RPS6KA2: variants seen among roughly 807,000 people sequenced by gnomAD.
RPS6KA2 encodes the protein ribosomal protein S6 kinase A2, also known as ribosomal protein S6 kinase alpha-2.
Under a neutral mutation model 91.8 loss-of-function variants are expected in RPS6KA2, and 42 were observed. The ratio of observed to expected loss-of-function variants is 0.46; its 90% CI spans 0.36 to 0.59. The LOEUF (loss-of-function observed/expected upper bound fraction) is 0.59. Ranked by LOEUF, RPS6KA2 falls within the 20% of genes least tolerant of loss-of-function variation. The probability of loss-of-function intolerance (pLI) is 0.00; values close to 1 mark genes in which losing one functional copy is unlikely to be tolerated. For missense variants in RPS6KA2, 798 were observed against 978.5 expected, an observed-to-expected ratio of 0.82 and a Z score of 2.46; for synonymous variants, 414 against 393.6, an observed-to-expected ratio of 1.05 and a Z score of -0.61.
intron 1 of RPS6KA2, among the ~76,000 whole-genome samples, chr6:166,593,967 T>C (rs556338673): frequency 6.6e-6 from 1 of 152,354 alleles, no homozygotes; most frequent in South Asian, 2.1e-4. Context: ...GCCATTGACC[T>C]AACAATTCCA....
chr6:166,770,220 GC>G lies in RPS6KA2; in HGVS notation c.123+87979del, dbSNP rs1778429522. ...TTTCACCTGAGTGTTGCAGCCCAAA[GC>G]ATTGAAAACAGCTATTAAACTATCT... is the stretch of plus-strand genomic sequence containing the variant. On this transcript the variant is annotated intron_variant, in intron 2 of 21. Coordinates refer to the RPS6KA2 transcript ENST00000503859. The surrounding 1 kb of genome is among the most constrained non-coding windows in gnomAD (Gnocchi z 5.1). 6.6e-6 allele frequency among the ~76,000 whole-genome samples: 1 copy of G among 152,158 alleles called. No individual in the cohort carries two copies. Among genetic ancestry groups the G allele is most frequent in the South Asian group, 2.1e-4 (1 of 4,832 alleles).
rs545828634 is a variant in RPS6KA2 at position 166,480,087 on chromosome 6, A to C, written c.907+8746T>G. Among the ~76,000 whole-genome samples the C allele has an allele frequency of 6.0e-4, 91 of 152,184 alleles. 2 individuals carry two copies. The South Asian group carries it at 0.011, about 19-fold the overall frequency. ...TTGAAGGATATATTATTTGAGGTGG[A>C]ATTACTTGGGTGAGGTGCATGTGCT... is the stretch of plus-strand genomic sequence containing the variant. On this transcript the variant is annotated intron_variant, in intron 10 of 20. Coordinates refer to ENST00000265678, the MANE Select transcript of RPS6KA2 (RefSeq NM_021135.6).
At chr6:166,590,239 T>C (rs1028847478) in intron 1 of RPS6KA2, among the ~76,000 whole-genome samples, 1 of 152,188 alleles carries the variant, frequency 6.6e-6, no homozygotes, top group African/African-American at 2.4e-5. Flanking sequence ...TAGTGGGAAA[T>C]AGAATCAGAA....
intron 3 of RPS6KA2, 47 bp downstream of exon 3, chr6:166,531,184 AT>A: frequency 2.5e-6 from 3 of 1,205,708 alleles, no homozygotes; most frequent in Non-Finnish European, 3.7e-6. Context: ...CGGAGTAGAA[AT>A]TGCAGTTACC....
rs1779847530 is a variant in RPS6KA2 at position 166,450,283 on chromosome 6, CA to C, written c.1206+819del. Among the ~76,000 whole-genome samples the C allele has an allele frequency of 1.9e-4, 27 of 145,076 alleles. No individual in the cohort carries two copies. In the South Asian group the frequency reaches 6.1e-3, roughly 33 times the overall value. On this transcript the variant is annotated intron_variant, in intron 13 of 20. Coordinates refer to ENST00000265678, the MANE Select transcript of RPS6KA2 (RefSeq NM_021135.6). ...CATAGGAGACCATCACGGGTACCACCAGGGAACCACCACGGGGACCACCATA... is the reference window on the plus strand; with the variant it reads ...CATAGGAGACCATCACGGGTACCACCGGGAACCACCACGGGGACCACCATA...
chr6:166,585,498 CTTTTTTT>C (rs58153048), intron 1 of RPS6KA2, among the ~76,000 whole-genome samples: 9 of 86,310 alleles, frequency 1.0e-4, no homozygotes, highest in African/African-American at 1.4e-4. Flanking sequence ...TCAAACAAGT[CTTTTTTT>C]TTTTTTTTTT....
At chr6:166,625,773 G>A (rs1012702816) in intron 1 of RPS6KA2, among the ~76,000 whole-genome samples, 2 of 152,058 alleles carry the variant, frequency 1.3e-5, no homozygotes, top group Non-Finnish European at 2.9e-5. Context: ...TAACAGTTTT[G>A]TTTGAAAGAT....
chr6:166,413,773 C>T (rs1298316113), intron 20 of RPS6KA2, 21 bp downstream of exon 20: 4 of 1,610,690 alleles, frequency 2.5e-6, no homozygotes, highest in Non-Finnish European at 2.5e-6. Context: ...CCACTCTGTC[C>T]TCACTGTCGC....
At chr6:166,760,720 T>C (rs1438360646) in intron 2 of RPS6KA2, among the ~76,000 whole-genome samples, 2 of 152,210 alleles carry the variant, frequency 1.3e-5, no homozygotes, top group African/African-American at 4.8e-5. Flanking sequence ...GCAACGTGCA[T>C]GGATACTGAG....
rs896526933 is a variant in RPS6KA2 at position 166,563,429 on chromosome 6, G to C, written c.100-24645C>G. Among the ~76,000 whole-genome samples the C allele has an allele frequency of 6.6e-6, 1 of 152,126 alleles. No homozygotes were observed. Among genetic ancestry groups the C allele is most frequent in the Non-Finnish European group, 1.5e-5 (1 of 68,024 alleles). On this transcript the variant is annotated intron_variant, in intron 1 of 20. Coordinates refer to ENST00000265678, the MANE Select transcript of RPS6KA2 (RefSeq NM_021135.6). This position sits in a 1 kb window ranked among gnomAD's most constrained non-coding sequence, Gnocchi z 4.1. ...GGGATCCCTCTTCCTGCACAGAACC[G>C]CCTCTTCCTTCCTCCTGGTGACAGA...
intron 2 of RPS6KA2, among the ~76,000 whole-genome samples, chr6:166,535,820 T>C (rs181148810): frequency 1.2e-3 from 177 of 152,356 alleles, no homozygotes; most frequent in Non-Finnish European, 1.6e-3. Context: ...GCACCACCCA[T>C]GGCCCTGCTC....
chr6:166,679,087 T>A (rs1377027517), intron 2 of RPS6KA2, among the ~76,000 whole-genome samples: 2 of 152,082 alleles, frequency 1.3e-5, no homozygotes, highest in Non-Finnish European at 2.9e-5. Context: ...AAATAGTAAG[T>A]TTGGAGAAAG....
intron 13 of RPS6KA2, among the ~76,000 whole-genome samples, chr6:166,449,283 C>A (rs374913477): frequency 5.3e-5 from 8 of 152,264 alleles, no homozygotes; most frequent in African/African-American, 1.9e-4. Context: ...GACCTGCATG[C>A]AGCAGCCCCA....
At chr6:166,792,990 G>T (rs1340764904) in intron 2 of RPS6KA2, among the ~76,000 whole-genome samples, 1 of 151,932 alleles carries the variant, frequency 6.6e-6, no homozygotes, top group African/African-American at 2.4e-5. Flanking sequence ...ACATAGTGTT[G>T]GAAGTTCTGG....
chr6:166,418,494 C>T lies in RPS6KA2; in HGVS notation c.1821-152G>A, dbSNP rs1778616094. 3 of 669,108 alleles carry T rather than the reference C, an allele frequency of 4.5e-6. No homozygotes were observed. The South Asian group carries it at 5.1e-5, about 11-fold the overall frequency. The allele number at this position is 669,108 out of a possible 1,614,324, so 41.4% of individuals were successfully genotyped here. A position where few individuals can be genotyped will look rare whatever the true frequency, so the allele number is the denominator to read the frequency against. ...AGCCAGGATTCATGGGAAAGCGGAA[C>T]TTACCTCTAACACTATGCCCGTTTT... On this transcript the variant is annotated intron_variant, in intron 18 of 20. Coordinates refer to ENST00000265678, the MANE Select transcript of RPS6KA2 (RefSeq NM_021135.6). This position sits in a 1 kb window ranked among gnomAD's most constrained non-coding sequence, Gnocchi z 4.9.
At chr6:166,486,593 A>G (rs1019978070) in intron 10 of RPS6KA2, among the ~76,000 whole-genome samples, 16 of 152,328 alleles carry the variant, frequency 1.1e-4, no homozygotes, top group African/African-American at 3.8e-4. Flanking sequence ...GTTTTCATCC[A>G]ATGCACTGGA....
chr6:166,627,107 C>T lies in RPS6KA2; in HGVS notation c.-88G>A, dbSNP rs1786914955. ...CGCGGGGCTCAGGTCCGCGGGCGGG[C>T]ACGCGTGGCCAGGGAGCCCGGCACG... On this transcript the variant is annotated 5_prime_UTR_variant, in exon 1 of 21. Coordinates refer to ENST00000265678, the MANE Select transcript of RPS6KA2 (RefSeq NM_021135.6). 8.4e-7 allele frequency: 1 copy of T among 1,192,116 alleles called. No individual in the cohort carries two copies. Among genetic ancestry groups the T allele is most frequent in the East Asian group, 3.6e-5 (1 of 27,602 alleles). 73.8% of individuals were successfully genotyped at this position (1,192,116 alleles called of 1,614,324 possible). A position where few individuals can be genotyped will look rare whatever the true frequency, so the allele number is the denominator to read the frequency against.
At chr6:166,745,313 G>A (rs1306935577) in intron 2 of RPS6KA2, among the ~76,000 whole-genome samples, 1 of 152,018 alleles carries the variant, frequency 6.6e-6, no homozygotes, top group Non-Finnish European at 1.5e-5. Flanking sequence ...CACCATGCCT[G>A]GCTAATTTTT....
chr6:166,743,017 C>G (rs1245015199), intron 2 of RPS6KA2, among the ~76,000 whole-genome samples: 1 of 152,220 alleles, frequency 6.6e-6, no homozygotes, highest in Non-Finnish European at 1.5e-5. Context: ...AAGCAGCTAG[C>G]GCACTTCCCC....
Sources: gnomAD v4.1 joint callset for allele counts (sites outside exome capture counted in the v4.1 genomes callset) on GRCh38, gnomAD v4.1.1 for gene constraint, Gnocchi (gnomAD v3.1) non-coding constraint, MANE v1.5 for transcripts, NCBI Gene and HGNC (gene_info 2026-07-23, HGNC 2026-07-21) for gene names.